Variants in BMPER observed in about 807,000 individuals in gnomAD.
BMPER encodes the protein BMP-binding endothelial regulator protein.
Under a neutral mutation model 87.3 loss-of-function variants are expected in BMPER, and 45 were observed. That is an observed-to-expected ratio of 0.52 (90% CI 0.41 to 0.66). BMPER has a LOEUF of 0.66. Among genes scored for constraint, BMPER ranks in the 30% least tolerant of loss-of-function variants. The pLI is 0.00. For missense variants in BMPER, 784 were observed against 867.5 expected (o/e 0.90, Z 1.21); for synonymous variants, 326 against 316.2 (o/e 1.03, Z -0.33).
intron 13 of BMPER, among the ~76,000 whole-genome samples, chr7:34,086,572 A>G (rs1003269030): frequency 2.6e-5 from 4 of 152,232 alleles, no homozygotes; most frequent in African/African-American, 4.8e-5. Flanking sequence ...TCAAATGTGC[A>G]CATGGAAAAT....
rs114072996 is a variant in BMPER, at chr7:33,975,981, T to A, written c.576+1197T>A. ...GAGGAAGAGAGTATATATGTATATC[T>A]CTATATATCTAGATATAAAACATAT... On this transcript the variant is annotated intron_variant, in intron 6 of 14. Coordinates refer to ENST00000649409, the MANE Select transcript of BMPER (RefSeq NM_001365308.1). 8.6e-3 allele frequency among the ~76,000 whole-genome samples: 1,308 copies of A among 152,018 alleles called. 16 individuals carry two copies. Among genetic ancestry groups the A allele is most frequent in the African/African-American group, 0.03 (1,237 of 41,442 alleles).
chr7:34,096,673 C>T (rs146567124), intron 13 of BMPER, among the ~76,000 whole-genome samples: 24 of 151,754 alleles, frequency 1.6e-4, no homozygotes, highest in African/African-American at 5.1e-4. Context: ...GTTGTGTAGC[C>T]GAGACCAGAT....
chr7:34,116,143 A>C (rs1438609699), intron 13 of BMPER, among the ~76,000 whole-genome samples: 1 of 152,234 alleles, frequency 6.6e-6, no homozygotes, highest in Non-Finnish European at 1.5e-5. Context: ...TAAGTTGATA[A>C]AAGAATGAGA....
intron 13 of BMPER, among the ~76,000 whole-genome samples, chr7:34,087,263 C>T (rs1789240904): frequency 6.6e-6 from 1 of 152,168 alleles, no homozygotes; most frequent in Non-Finnish European, 1.5e-5. Context: ...CCTTCTTTCT[C>T]CTCTCTGTAC....
rs751915557 is a variant in BMPER at position 34,079,095 on chromosome 7, C to G, written c.1317C>G (p.Arg439=). 1 of 1,613,974 alleles carries G rather than the reference C, an allele frequency of 6.2e-7. No homozygotes were observed. Among genetic ancestry groups the G allele is most frequent in the South Asian group, 1.1e-5 (1 of 91,050 alleles). ...GCCTGCAGCAGCACCTCACCGTGCGCTGGAACGGCTCGCGCATCGCGCTCC... is the reference window on the plus strand; with the variant it reads ...GCCTGCAGCAGCACCTCACCGTGCGGTGGAACGGCTCGCGCATCGCGCTCC... The part of the protein sequence containing the change: ...RVSLQQHLTV[R]WNGSRIALPC... The change falls in exon 12 of 15, where the codon CGC becomes CGG. Residue 439 remains arginine (R), a synonymous_variant. Coordinates refer to ENST00000649409, the MANE Select transcript of BMPER (RefSeq NM_001365308.1).
intron 6 of BMPER, among the ~76,000 whole-genome samples, chr7:33,978,167 T>C (rs1785739146): frequency 6.6e-6 from 1 of 152,158 alleles, no homozygotes; most frequent in Non-Finnish European, 1.5e-5. Flanking sequence ...AGGAAGTTCA[T>C]CTCTCTTGCC....
At chr7:34,071,418 TA>T (rs1788735048) in intron 11 of BMPER, among the ~76,000 whole-genome samples, 1 of 152,242 alleles carries the variant, frequency 6.6e-6, no homozygotes, top group Non-Finnish European at 1.5e-5. Context: ...TGCATGATTT[TA>T]TAAGCCTTAA....
chr7:34,151,073 T>A (rs1791163017), intron 14 of BMPER, among the ~76,000 whole-genome samples: 1 of 152,086 alleles, frequency 6.6e-6, no homozygotes, highest in Non-Finnish European at 1.5e-5. Context: ...CCAAGCTAGA[T>A]AATGGCACCA....
At position 33,946,803 on chromosome 7, in the gene BMPER, G is replaced by A. The variant is rs559201606; in HGVS notation, c.319+9415G>A. On this transcript the variant is annotated intron_variant, in intron 3 of 14. Coordinates refer to ENST00000649409, the MANE Select transcript of BMPER (RefSeq NM_001365308.1). ...AAATATGAAAACTCATAGTTCAGAC[G>A]TATTCTTAGAAAGGCTTTGTGTGTG... 1.1e-4 allele frequency among the ~76,000 whole-genome samples: 17 copies of A among 152,294 alleles called. 1 individual carries two copies. In the South Asian group the frequency reaches 1.7e-3, roughly 15 times the overall value.
At chr7:34,122,932 A>T (rs973302305) in intron 13 of BMPER, among the ~76,000 whole-genome samples, 1 of 152,206 alleles carries the variant, frequency 6.6e-6, no homozygotes, top group Non-Finnish European at 1.5e-5. Context: ...TCTTCGGATT[A>T]GTTCTTATTT....
At chr7:34,048,716 G>A (rs1788059307) in intron 7 of BMPER, among the ~76,000 whole-genome samples, 1 of 152,164 alleles carries the variant, frequency 6.6e-6, no homozygotes, top group African/African-American at 2.4e-5. Flanking sequence ...AGGTTTTTCT[G>A]TTCATTTATG....
chr7:34,089,736 A>G (rs1035775435), intron 13 of BMPER, among the ~76,000 whole-genome samples: 22 of 152,078 alleles, frequency 1.4e-4, no homozygotes, highest in East Asian at 3.9e-4. Flanking sequence ...TGCCTGCCTC[A>G]GCCTCCCAAA....
At chr7:34,045,378 G>A (rs972082160) in intron 6 of BMPER, among the ~76,000 whole-genome samples, 2 of 152,172 alleles carry the variant, frequency 1.3e-5, no homozygotes, top group African/African-American at 4.8e-5. Context: ...TGGGGCTGGG[G>A]AAGCAGGCAC....
At chr7:33,982,375 A>G (rs1399709666) in intron 6 of BMPER, among the ~76,000 whole-genome samples, 4 of 152,204 alleles carry the variant, frequency 2.6e-5, no homozygotes, top group East Asian at 1.9e-4. Context: ...TGGGCAGTTC[A>G]TCTAACTAGT....
In BMPER at chr7:33,905,655, C is replaced by T; in HGVS notation, c.42C>T (p.Tyr14=). 2 of 1,613,384 alleles carry T rather than the reference C, an allele frequency of 1.2e-6. No homozygotes were observed. Among genetic ancestry groups the T allele is most frequent in the Non-Finnish European group, 1.7e-6 (2 of 1,179,914 alleles). Residue 14 remains tyrosine (Y), a synonymous_variant, in exon 1 of 15, where the codon TAC becomes TAT. Transcript: ENST00000649409. The stretch of plus-strand genomic sequence containing the variant: ...GCGTCGGGGCTCTGGCTGAGCGTTA[C>T]TGCCGCCGCTCGCCTGGGATTACGT... ...FSGVGALAER[Y]CRRSPGITCC...
chr7:33,969,384 G>C (rs2128618319), intron 4 of BMPER, among the ~76,000 whole-genome samples: 2 of 152,234 alleles, frequency 1.3e-5, no homozygotes, highest in African/African-American at 4.8e-5. Flanking sequence ...ATTTGCAAAT[G>C]ACTCACTTAA....
chr7:33,936,051 C>CCA (rs149313025), intron 2 of BMPER, among the ~76,000 whole-genome samples: 26 of 151,364 alleles, frequency 1.7e-4, no homozygotes, highest in Non-Finnish European at 2.8e-4. Flanking sequence ...ACATGCACAC[C>CCA]CACACACACA....
intron 6 of BMPER, among the ~76,000 whole-genome samples, chr7:34,039,656 G>A (rs761455698): frequency 7.3e-5 from 11 of 150,354 alleles, no homozygotes; most frequent in South Asian, 2.1e-4. Flanking sequence ...ATACCACTGT[G>A]GTGTATACAT....
At chr7:34,028,418 T>C (rs1562697621) in intron 6 of BMPER, among the ~76,000 whole-genome samples, 1 of 151,866 alleles carries the variant, frequency 6.6e-6, no homozygotes, top group Admixed American at 6.6e-5. Context: ...AACATCAATC[T>C]GTAGATAAGA....
Sources: gnomAD v4.1 joint callset for allele counts (sites outside exome capture counted in the v4.1 genomes callset) on GRCh38, gnomAD v4.1.1 for gene constraint, MANE v1.5 for transcripts, NCBI Gene and HGNC (gene_info 2026-07-23, HGNC 2026-07-21) for gene names.